The following CLIP4 variants were observed in gnomAD, a reference collection of about 807,000 sequenced individuals.
The protein encoded by CLIP4 is CAP-Gly domain-containing linker protein 4.
In CLIP4, 47 loss-of-function variants were observed where a neutral mutation model predicts 73.1. The observed-to-expected ratio is 0.64, with a 90% CI of 0.51 to 0.82. CLIP4 has a LOEUF of 0.82. Ranked by LOEUF, CLIP4 falls within the 40% of genes least tolerant of loss-of-function variation. CLIP4 has a pLI of 0.00. For synonymous variants in CLIP4, 306 were observed against 295.4 expected (o/e 1.04, Z -0.37); for missense variants, 874 against 852.9 (o/e 1.02, Z -0.31).
chr2:29,147,143 T>A (rs1157542514), intron 8 of CLIP4, among the ~76,000 whole-genome samples: 1 of 152,188 alleles, frequency 6.6e-6, no homozygotes, highest in East Asian at 1.9e-4. Context: ...CCATTTCCTT[T>A]AATTTTTCCA....
chr2:29,109,172 G>T (rs764164166), intron 1 of CLIP4, among the ~76,000 whole-genome samples: 6 of 152,170 alleles, frequency 3.9e-5, no homozygotes, highest in Non-Finnish European at 5.9e-5. Context: ...TTGTTGGACT[G>T]ACATCCTCAT....
In CLIP4 at chr2:29,135,360, T is replaced by G. The variant is rs116551972; in HGVS notation, c.530-188T>G. Among the ~76,000 whole-genome samples the G allele has an allele frequency of 2.6e-3, 397 of 152,328 alleles. 3 individuals are homozygous for G. Among genetic ancestry groups the G allele is most frequent in the African/African-American group, 9.1e-3 (378 of 41,574 alleles). On this transcript the variant is annotated intron_variant, in intron 5 of 15. Transcript: ENST00000320081. The stretch of plus-strand genomic sequence containing the variant: ...CTTATAATGAATTTTATTGTACTAA[T>G]AATCAACTGCTTATTTTAACTAGAT...
intron 5 of CLIP4, 94 bp downstream of exon 5, chr2:29,133,910 C>T (rs1665163087): frequency 8.7e-7 from 1 of 1,148,898 alleles, no homozygotes. Flanking sequence ...TCCTTCTAAT[C>T]CATCTTGTTT....
intron 6 of CLIP4, among the ~76,000 whole-genome samples, chr2:29,142,772 C>A (rs1356454144): frequency 6.6e-6 from 1 of 152,272 alleles, no homozygotes; most frequent in East Asian, 1.9e-4. Context: ...TCTCAGTTAA[C>A]AAAAGTATCT....
At chr2:29,118,098 C>T (rs1419039321) in intron 1 of CLIP4, 1 of 152,150 alleles carries the variant, frequency 6.6e-6, no homozygotes, top group Non-Finnish European at 1.5e-5. Flanking sequence ...AGAATGATGA[C>T]TCATAACAAA....
At chr2:29,117,690 C>G (rs1229339789) in intron 1 of CLIP4, among the ~76,000 whole-genome samples, 2 of 152,206 alleles carry the variant, frequency 1.3e-5, no homozygotes, top group Non-Finnish European at 2.9e-5. Context: ...TCAGATGCCA[C>G]AGCTTTAACT....
chr2:29,123,751 A>G (rs575816247), intron 2 of CLIP4, among the ~76,000 whole-genome samples: 1 of 152,342 alleles, frequency 6.6e-6, no homozygotes, highest in East Asian at 1.9e-4. Context: ...GGGGTCATGT[A>G]GGCCCCCATA....
At chr2:29,103,214 T>TA (rs927855279) in intron 1 of CLIP4, among the ~76,000 whole-genome samples, 1 of 152,130 alleles carries the variant, frequency 6.6e-6, no homozygotes, top group South Asian at 2.1e-4. Flanking sequence ...TTCAGATAGA[T>TA]AAAAAATGTT....
At chr2:29,106,698 T>C (rs981730116) in intron 1 of CLIP4, among the ~76,000 whole-genome samples, 2 of 152,156 alleles carry the variant, frequency 1.3e-5, no homozygotes, top group Admixed American at 6.5e-5. Context: ...GATTCCAGCT[T>C]CCATACTGCT....
chr2:29,167,033 T>C (rs1667668739), intron 13 of CLIP4, among the ~76,000 whole-genome samples: 1 of 152,192 alleles, frequency 6.6e-6, no homozygotes, highest in South Asian at 2.1e-4. Context: ...GTAAAAGATG[T>C]TGAATTGTAT....
At chr2:29,164,589 G>A (rs913370394) in intron 13 of CLIP4, among the ~76,000 whole-genome samples, 4 of 152,150 alleles carry the variant, frequency 2.6e-5, no homozygotes, top group Non-Finnish European at 5.9e-5. Context: ...CTTATGCTCT[G>A]GAAGAAGCTG....
At chr2:29,103,118 C>T (rs1668099601) in intron 1 of CLIP4, among the ~76,000 whole-genome samples, 1 of 152,104 alleles carries the variant, frequency 6.6e-6, no homozygotes, top group Non-Finnish European at 1.5e-5. Flanking sequence ...CCTTCTCCCT[C>T]CAAAGAACAA....
intron 11 of CLIP4, among the ~76,000 whole-genome samples, chr2:29,159,870 A>G (rs1455395486): frequency 2.0e-5 from 3 of 152,252 alleles, no homozygotes; most frequent in Non-Finnish European, 4.4e-5. Flanking sequence ...GAATGCAGCC[A>G]TGCACATTTG....
Position 29,121,511 on chromosome 2 carries a change from T to C in CLIP4, c.123T>C (p.Pro41=), listed in dbSNP as rs1664246472. Residue 41 remains proline (P), a synonymous_variant, in exon 2 of 16, where the codon CCT becomes CCC. Coordinates refer to ENST00000320081, the MANE Select transcript of CLIP4 (RefSeq NM_024692.6). ...VIFSISAAPM[P]SDCEFSFFDP... The stretch of plus-strand genomic sequence containing the variant: ...TTTCCATTTCTGCAGCACCAATGCC[T>C]TCAGACTGTGGTATGTGAAGTAGCT... The C allele has an allele frequency of 6.2e-7, 1 of 1,613,490 alleles. No homozygotes were observed. The highest frequency in any genetic ancestry group is 8.5e-7 in the Non-Finnish European group (1 of 1,179,782).
At chr2:29,149,267 G>A (rs1236681820) in intron 8 of CLIP4, among the ~76,000 whole-genome samples, 1 of 152,162 alleles carries the variant, frequency 6.6e-6, no homozygotes, top group Non-Finnish European at 1.5e-5. Context: ...CAGTGTTGCT[G>A]TTCAGATGTT....
intron 1 of CLIP4, among the ~76,000 whole-genome samples, chr2:29,102,301 T>C (rs1005915618): frequency 6.6e-6 from 1 of 152,224 alleles, no homozygotes; most frequent in Middle Eastern, 3.2e-3. Flanking sequence ...AGGTCATCAA[T>C]GAGACTGCAG....
chr2:29,168,692 T>C (rs1052880047), intron 14 of CLIP4, among the ~76,000 whole-genome samples: 1 of 151,256 alleles, frequency 6.6e-6, no homozygotes, highest in Non-Finnish European at 1.5e-5. Context: ...CCGGCTAATT[T>C]TTTGTATTTT....
At chr2:29,098,421 C>T (rs1020018404) in intron 1 of CLIP4, among the ~76,000 whole-genome samples, 1 of 152,226 alleles carries the variant, frequency 6.6e-6, no homozygotes, top group Non-Finnish European at 1.5e-5. Flanking sequence ...CGCTCTCTTT[C>T]CCAGCCCTGA....
At chr2:29,104,306 G>T (rs1264570606) in intron 1 of CLIP4, among the ~76,000 whole-genome samples, 1 of 151,838 alleles carries the variant, frequency 6.6e-6, no homozygotes, top group African/African-American at 2.4e-5. Flanking sequence ...TTGAGACAGG[G>T]TCTCTGTCAC....
Sources: gnomAD v4.1 joint callset for allele counts (sites outside exome capture counted in the v4.1 genomes callset) on GRCh38, gnomAD v4.1.1 for gene constraint, MANE v1.5 for transcripts, NCBI Gene and HGNC (gene_info 2026-07-23, HGNC 2026-07-21) for gene names.